Variants in GLB1 observed in about 807,000 individuals in gnomAD.
The protein encoded by GLB1 is beta-galactosidase.
A neutral mutation model predicts 74.0 loss-of-function variants in GLB1; 56 were observed. The observed-to-expected ratio is 0.76, with a 90% CI of 0.61 to 0.94. GLB1 has a LOEUF of 0.94. Among genes scored for constraint, GLB1 ranks in the 40% least tolerant of loss-of-function variants. The pLI is 0.00. For missense variants in GLB1, 787 were observed against 845.5 expected (o/e 0.93, Z 0.86); for synonymous variants, 323 against 323.6 (o/e 1.00, Z 0.02).
rs398123347 is a variant in GLB1 at position 33,046,184 on chromosome 3, G to A, written c.1004C>T (p.Ala335Val). Residue 335 changes from alanine to valine, a missense_variant, in exon 10 of 16, where the codon GCC (alanine) becomes GTC (valine). Ala to Val is a moderately conservative substitution (Grantham distance 64, BLOSUM62 0). Coordinates refer to ENST00000307363, the MANE Select transcript of GLB1 (RefSeq NM_000404.4). ...AAQPTSYDYD[A>V]PLSEAGDLTE... ...GAGGTCCCCAGCCTCACTCAGTGGG[G>A]CATCATAGTCGTAGCTGGTGGGCTG... 6.2e-7 allele frequency: 1 copy of A among 1,614,010 alleles called. No homozygotes were observed. The highest frequency in any genetic ancestry group is 8.5e-7 in the Non-Finnish European group (1 of 1,179,996).
chr3:33,069,499 G>C (rs1402460580), intron 2 of GLB1, among the ~76,000 whole-genome samples: 2 of 152,142 alleles, frequency 1.3e-5, no homozygotes, highest in Non-Finnish European at 2.9e-5. Context: ...GCCCACTGAG[G>C]CTTCCTTCAT....
chr3:33,012,951 C>T (rs867277867), intron 15 of GLB1, among the ~76,000 whole-genome samples: 1 of 152,210 alleles, frequency 6.6e-6, no homozygotes. Context: ...CATAAGTGTC[C>T]TTACCCAAAC....
chr3:33,079,432 G>A (rs1302230442), intron 1 of GLB1, among the ~76,000 whole-genome samples: 1 of 152,088 alleles, frequency 6.6e-6, no homozygotes, highest in Non-Finnish European at 1.5e-5. Flanking sequence ...GCAAGAGGAG[G>A]GCATTGATAT....
At chr3:32,998,623 T>C in intron 15 of GLB1, among the ~76,000 whole-genome samples, 1 of 150,994 alleles carries the variant, frequency 6.6e-6, no homozygotes, top group East Asian at 1.9e-4. Context: ...GGAGATCACA[T>C]ACACGCAAAA....
chr3:33,045,170 T>C (rs1698689240), intron 10 of GLB1: 2 of 254,372 alleles, frequency 7.9e-6, no homozygotes, highest in African/African-American at 4.6e-5. Flanking sequence ...TTTCAAGCTT[T>C]ACAGCACAAC....
chr3:33,053,602 T>C, intron 6 of GLB1, 53 bp from the exon 7 acceptor site: 1 of 1,612,000 alleles, frequency 6.2e-7, no homozygotes, highest in Non-Finnish European at 8.5e-7. Context: ...GACAAGAAGT[T>C]AAATAACAAG....
At chr3:33,017,744 C>T (rs1471041367) in intron 13 of GLB1, among the ~76,000 whole-genome samples, 1 of 152,164 alleles carries the variant, frequency 6.6e-6, no homozygotes, top group East Asian at 1.9e-4. Flanking sequence ...CGAAGTTCAA[C>T]AAACTTTGTA....
chr3:32,992,461 A>C (rs944229013), downstream of GLB1, among the ~76,000 whole-genome samples: 1 of 152,236 alleles, frequency 6.6e-6, no homozygotes, highest in African/African-American at 2.4e-5. Flanking sequence ...GGAAAGACTC[A>C]AACTAGCATT....
In GLB1 at chr3:33,097,043, G is replaced by A; in HGVS notation, c.43C>T (p.Leu15=). 1.2e-6 allele frequency: 2 copies of A among 1,612,510 alleles called. No homozygotes were observed. The highest frequency in any genetic ancestry group is 1.3e-5 in the African/African-American group (1 of 74,946). The change falls in exon 1 of 16, where the codon CTG becomes TTG. Residue 15 remains leucine, a synonymous_variant. Transcript: ENST00000307363. ...CCGCGCGTAGGGCCCAGAAGCAGCAGAACCAGCAACAGAGGGAGGATGCGA... is the reference window on the plus strand; with the variant it reads ...CCGCGCGTAGGGCCCAGAAGCAGCAAAACCAGCAACAGAGGGAGGATGCGA... ...LVRILPLLLV[L]LLLGPTRGLR... is the part of the protein sequence containing the mutation.
chr3:33,025,251 C>G (rs72854770), intron 10 of GLB1, among the ~76,000 whole-genome samples: 11,641 of 152,224 alleles, frequency 0.076, 583 homozygotes, highest in East Asian at 0.24. Context: ...GGCCACAAAT[C>G]CTCTTTTTTT....
chr3:33,018,599 T>C (rs1164989648), intron 12 of GLB1, 38 bp from the exon 13 acceptor site: 1 of 1,605,052 alleles, frequency 6.2e-7, no homozygotes, highest in African/African-American at 1.3e-5. Flanking sequence ...ACATCACTAT[T>C]GCCATTCATT....
chr3:33,086,413 A>G (rs188472072), intron 1 of GLB1, among the ~76,000 whole-genome samples: 18 of 152,360 alleles, frequency 1.2e-4, no homozygotes, highest in African/African-American at 3.8e-4. Flanking sequence ...AATGCAGGAA[A>G]AAAAGGGTAG....
At chr3:33,095,543 A>T (rs1700987210) in intron 1 of GLB1, among the ~76,000 whole-genome samples, 1 of 152,140 alleles carries the variant, frequency 6.6e-6, no homozygotes, top group African/African-American at 2.4e-5. Flanking sequence ...ACACCTAGGC[A>T]CCTGAAATGA....
At chr3:32,961,147 A>G in the GLB1 span, among the ~76,000 whole-genome samples, 1 of 152,226 alleles carries the variant, frequency 6.6e-6, no homozygotes, top group Non-Finnish European at 1.5e-5. Flanking sequence ...TTTCATATTG[A>G]ACATAACTGC....
At position 33,039,318 on chromosome 3, in the gene GLB1, A is replaced by T. The variant is rs930862842; in HGVS notation, c.1068+6802T>A. 4.6e-5 allele frequency among the ~76,000 whole-genome samples: 7 copies of T among 151,738 alleles called. No homozygotes were observed. The South Asian group carries it at 1.5e-3, about 32-fold the overall frequency. ...AAAAAAAAAAAAAAAAGGAAAAAAA[A>T]GCCATTGAAACAGACCCATAAGACA... On this transcript the variant is annotated intron_variant, in intron 10 of 15. Transcript: ENST00000307363.
At chr3:32,975,551 C>A in the GLB1 span, among the ~76,000 whole-genome samples, 1 of 151,998 alleles carries the variant, frequency 6.6e-6, no homozygotes, top group Non-Finnish European at 1.5e-5. Flanking sequence ...ACAGGGGCAA[C>A]TTCAAAATTT....
rs767551160 is a variant in GLB1 at position 33,058,070 on chromosome 3, T to C, written c.733+19A>G. 7 of 1,612,896 alleles carry C rather than the reference T, an allele frequency of 4.3e-6. 1 individual carries two copies. In the South Asian group the frequency reaches 7.7e-5, roughly 18 times the overall value. ...AAAGCTGATTTTAAGCTGCAATTTCTGTTACTACAAACACCAACCTGTTCC... is the reference window on the plus strand; with the variant it reads ...AAAGCTGATTTTAAGCTGCAATTTCCGTTACTACAAACACCAACCTGTTCC... On this transcript the variant is annotated intron_variant, in intron 6 of 15. Coordinates refer to ENST00000307363, the MANE Select transcript of GLB1 (RefSeq NM_000404.4).
In GLB1 at chr3:33,093,120, C is replaced by T; in HGVS notation, c.75+3891G>A. The T allele has an allele frequency of 6.2e-7, 1 of 1,614,204 alleles. No homozygotes were observed. The highest frequency in any genetic ancestry group is 8.5e-7 in the Non-Finnish European group (1 of 1,180,034). On this transcript the variant is annotated intron_variant, in intron 1 of 15. Transcript: ENST00000307363. The surrounding 1 kb of genome is among the most constrained non-coding windows in gnomAD (Gnocchi z 6.0). ...TAGCAAGATGATTGTGTGGTCTGGG[C>T]TGCAGCCCTCCAGGGCCTTGTCAAG... is the stretch of plus-strand genomic sequence containing the variant.
In GLB1 at chr3:33,061,400, A is replaced by AAAAC. The variant is rs545287219; in HGVS notation, c.553-3135_553-3132dup. 2.6e-3 allele frequency among the ~76,000 whole-genome samples: 401 copies of AAAAC among 152,174 alleles called. 2 individuals are homozygous for AAAAC. Among genetic ancestry groups the AAAAC allele is most frequent in the South Asian group, 4.8e-3 (23 of 4,822 alleles). On this transcript the variant is annotated intron_variant, in intron 5 of 15. Coordinates refer to ENST00000307363, the MANE Select transcript of GLB1 (RefSeq NM_000404.4). ...CTGGATTCCAGCCTGGGTGACAGAG[A>AAAAC]AAACAAACAAACAAACAAACAAACA...
Sources: gnomAD v4.1 joint callset for allele counts (sites outside exome capture counted in the v4.1 genomes callset) on GRCh38, gnomAD v4.1.1 for gene constraint, Gnocchi (gnomAD v3.1) non-coding constraint, MANE v1.5 for transcripts, NCBI Gene and HGNC (gene_info 2026-07-23, HGNC 2026-07-21) for gene names.